Variants in MED25 observed in about 807,000 individuals in gnomAD.
The protein encoded by MED25 is mediator of RNA polymerase II transcription subunit 25.
Under a neutral mutation model 89.4 loss-of-function variants are expected in MED25, and 62 were observed. The observed-to-expected ratio is 0.69, with a 90% CI of 0.57 to 0.86. The LOEUF (loss-of-function observed/expected upper bound fraction) is 0.86. Among genes scored for constraint, MED25 ranks in the 40% least tolerant of loss-of-function variants. MED25 has a pLI of 0.00. For missense variants in MED25, 905 were observed against 1,005.2 expected, an observed-to-expected ratio of 0.90 and a Z score of 1.35; for synonymous variants, 449 against 427.9, an observed-to-expected ratio of 1.05 and a Z score of -0.61.
rs1180978169 is a variant in MED25, at chr19:49,835,078, C to T, written c.1575C>T (p.Leu525=). The change falls in exon 14 of 18, where the codon CTC becomes CTT. Residue 525 remains leucine (L), a synonymous_variant. Coordinates refer to ENST00000312865, the MANE Select transcript of MED25 (RefSeq NM_030973.4). The surrounding 1 kb of genome is among the most constrained non-coding windows in gnomAD (Gnocchi z 6.2). ...YSSKKKIFMG[L]IPYDQSGFVN... ...CCAAGAAGAAGATCTTCATGGGCCT[C>T]ATCCCCTACGACCAGAGCGGCTTCG... is the stretch of plus-strand genomic sequence containing the variant. 1 of 1,613,994 alleles carries T rather than the reference C, an allele frequency of 6.2e-7. No homozygotes were observed.
In MED25 at chr19:49,835,459, G is replaced by A. The variant is rs2074088598; in HGVS notation, c.1675-75G>A. On this transcript the variant is annotated intron_variant, in intron 14 of 17. Transcript: ENST00000312865. The surrounding 1 kb of genome is among the most constrained non-coding windows in gnomAD (Gnocchi z 6.2). ...CCATCTCCTTACTAGTTCCCCTCAGGGCACAGGCCCTCCCGCCTCAGATTC... is the reference window on the plus strand; with the variant it reads ...CCATCTCCTTACTAGTTCCCCTCAGAGCACAGGCCCTCCCGCCTCAGATTC... 1 of 1,417,018 alleles carries A rather than the reference G, an allele frequency of 7.1e-7. No individual in the cohort carries two copies. Among genetic ancestry groups the A allele is most frequent in the South Asian group, 1.4e-5 (1 of 72,750 alleles). The allele number at this position is 1,417,018 out of a possible 1,614,324, so 87.8% of individuals were successfully genotyped here. A position where few individuals can be genotyped will look rare whatever the true frequency, so the allele number is the denominator to read the frequency against.
At chr19:49,837,251 A>C (rs1261515053), downstream of MED25, among the ~76,000 whole-genome samples, 1 of 152,256 alleles carries the variant, frequency 6.6e-6, no homozygotes, top group African/African-American at 2.4e-5. Context: ...CCAGCTCCTC[A>C]GAGTCTTGAA....
Position 49,818,348 on chromosome 19 carries a change from C to T in MED25, c.7C>T (p.Pro3Ser), listed in dbSNP as rs969422780. The change falls in exon 1 of 18, where the codon CCC (proline) becomes TCC (serine). Residue 3 changes from proline (P) to serine (S), a missense_variant. Transcript: ENST00000312865. Reference protein sequence around the residue: MVPGSEGPARAGS... With the variant: MVSGSEGPARAGS... ...GGCGGGTACCGCACGGGGTATGGTC[C>T]CCGGGTCCGAGGGCCCGGCCCGCGC... The T allele has an allele frequency of 1.3e-6, 2 of 1,592,052 alleles. No homozygotes were observed. The highest frequency in any genetic ancestry group is 1.7e-6 in the Non-Finnish European group (2 of 1,169,162).
intron 3 of MED25, chr19:49,819,520 C>T: frequency 1.8e-6 from 1 of 553,164 alleles, no homozygotes; most frequent in Non-Finnish European, 3.3e-6. Context: ...CTGCAGGAAA[C>T]ATCTCATACA....
At position 49,829,891 on chromosome 19, in the gene MED25, A is replaced by G. The variant is rs1314169868; in HGVS notation, c.631A>G (p.Thr211Ala). 2 of 1,613,342 alleles carry G rather than the reference A, an allele frequency of 1.2e-6. No individual in the cohort carries two copies. The highest frequency in any genetic ancestry group is 1.7e-6 in the Non-Finnish European group (2 of 1,179,946). ...CTTGCTGGAGCCGCTGCAGCCTCCG[A>G]CAGATGTGAGCCAGGACCCGAGGCA... is the stretch of plus-strand genomic sequence containing the variant. The part of the protein sequence containing the change: ...PALLEPLQPP[T>A]DVSQDPRHMV... Residue 211 changes from threonine (T) to alanine (A), a missense_variant, in exon 6 of 18, where the codon ACA becomes GCA. This residue lies in a region of MED25 where 501 missense variants were observed against 526.9 expected (regional missense o/e 0.95). Coordinates refer to ENST00000312865, the MANE Select transcript of MED25 (RefSeq NM_030973.4). This position sits in a 1 kb window ranked among gnomAD's most constrained non-coding sequence, Gnocchi z 4.6.
In MED25 at chr19:49,834,432, T is replaced by G. The variant is rs980705849; in HGVS notation, c.1483-554T>G. On this transcript the variant is annotated intron_variant, in intron 13 of 17. Coordinates refer to ENST00000312865, the MANE Select transcript of MED25 (RefSeq NM_030973.4). The surrounding 1 kb of genome is among the most constrained non-coding windows in gnomAD (Gnocchi z 4.1). Reference sequence around the variant, plus strand: ...TACCCCCCTGATGACCAGTGATGTTTCCTGGGTGCTTCCTGTGGGCTGAGC... The same window carrying G: ...TACCCCCCTGATGACCAGTGATGTTGCCTGGGTGCTTCCTGTGGGCTGAGC... 2 of 176,010 alleles carry G rather than the reference T, an allele frequency of 1.1e-5. No homozygotes were observed. The highest frequency in any genetic ancestry group is 1.1e-4 in the Admixed American group (2 of 18,608). 10.9% of individuals were successfully genotyped at this position (176,010 alleles called of 1,614,324 possible).
Position 49,830,913 on chromosome 19 carries a change from CT to C in MED25, c.1101+27del. The C allele has an allele frequency of 6.3e-7, 1 of 1,598,714 alleles. No homozygotes were observed. Among genetic ancestry groups the C allele is most frequent in the Non-Finnish European group, 8.5e-7 (1 of 1,174,822 alleles). On this transcript the variant is annotated intron_variant, in intron 9 of 17. Coordinates refer to ENST00000312865, the MANE Select transcript of MED25 (RefSeq NM_030973.4). The surrounding 1 kb of genome is among the most constrained non-coding windows in gnomAD (Gnocchi z 4.6). ...GTAGGTGCCTGCACGCCTCCTGCCC[CT>C]GCTCCTTCCTCCTGCTGTCCACAGC...
chr19:49,833,777 C>T (rs570599584), intron 13 of MED25: 6 of 152,372 alleles, frequency 3.9e-5, no homozygotes, highest in African/African-American at 1.2e-4. Context: ...CAGCTCCTCA[C>T]ACAGCCCTGG....
intron 3 of MED25, among the ~76,000 whole-genome samples, chr19:49,824,932 G>T (rs575621047): frequency 1.3e-5 from 2 of 152,162 alleles, no homozygotes; most frequent in African/African-American, 4.8e-5. Flanking sequence ...GAACAAATGG[G>T]AGTAAGTTAG....
At position 49,836,888 on chromosome 19, in the gene MED25, C is replaced by A; in HGVS notation, c.2188C>A (p.Gln730Lys). ...CGGGGGTCCCCGGGGCCCGGTCCCC[C>A]AGCCGGGCCTGCAGCCCAGCGTCAT... ...LSGGPRGPVP[Q>K]PGLQPSVMED... Residue 730 changes from glutamine (Q) to lysine (K), a missense_variant, in exon 18 of 18, where the codon CAG becomes AAG. Transcript: ENST00000312865. This position sits in a 1 kb window ranked among gnomAD's most constrained non-coding sequence, Gnocchi z 5.1. 1.2e-6 allele frequency: 2 copies of A among 1,612,736 alleles called. No homozygotes were observed. The highest frequency in any genetic ancestry group is 1.1e-5 in the South Asian group (1 of 90,968).
rs1247123438 is a variant in MED25 at position 49,831,068 on chromosome 19, G to A, written c.1101+181G>A. ...GAGGGTCTGGGGACAGAGTGGGGAG[G>A]CTCATGGCTCCAGGAGGGTCAGGGC... On this transcript the variant is annotated intron_variant, in intron 9 of 17. Coordinates refer to ENST00000312865, the MANE Select transcript of MED25 (RefSeq NM_030973.4). This position sits in a 1 kb window ranked among gnomAD's most constrained non-coding sequence, Gnocchi z 5.0. Among the ~76,000 whole-genome samples the A allele has an allele frequency of 1.3e-5, 2 of 152,192 alleles. No homozygotes were observed. The highest frequency in any genetic ancestry group is 3.8e-4 in the East Asian group (2 of 5,198).
chr19:49,835,781 G>A lies in MED25; in HGVS notation c.1801G>A (p.Ala601Thr), dbSNP rs767338688. Residue 601 changes from alanine to threonine, a missense_variant, in exon 16 of 18, where the codon GCC (alanine) becomes ACC (threonine). This residue lies in a region of MED25 where 271 missense variants were observed against 258.1 expected (regional missense o/e 1.05). Transcript: ENST00000312865. The surrounding 1 kb of genome is among the most constrained non-coding windows in gnomAD (Gnocchi z 6.2). Reference protein sequence around the residue: ...QPQGTVGASGATGQPQPQGTA... With the variant: ...QPQGTVGASGTTGQPQPQGTA... ...TCAGGGTACCGTAGGGGCCTCTGGG[G>A]CCACGGGGCAGCCCCAGCCCCAAGG... The A allele has an allele frequency of 4.5e-5, 73 of 1,608,652 alleles. No homozygotes were observed. Among genetic ancestry groups the A allele is most frequent in the Non-Finnish European group, 2.5e-6 (3 of 1,177,110 alleles).
chr19:49,827,380 A>T (rs991484849), intron 3 of MED25, among the ~76,000 whole-genome samples: 1 of 152,142 alleles, frequency 6.6e-6, no homozygotes, highest in Non-Finnish European at 1.5e-5. Context: ...ATGGAAATTG[A>T]TGTCTCAGGG....
At chr19:49,825,692 G>T (rs1016322665) in intron 3 of MED25, among the ~76,000 whole-genome samples, 2 of 151,922 alleles carry the variant, frequency 1.3e-5, no homozygotes, top group Non-Finnish European at 2.9e-5. Context: ...TTAGCTGGGC[G>T]TGGTGCCGCA....
At chr19:49,820,849 C>T (rs4801808) in intron 3 of MED25, among the ~76,000 whole-genome samples, 5,774 of 152,268 alleles carry the variant, frequency 0.038, 241 homozygotes, top group East Asian at 0.14. Flanking sequence ...CTGGCTCTTC[C>T]AGCACAGAAC....
In MED25 at chr19:49,835,855, T is replaced by A. The variant is rs745606089; in HGVS notation, c.1875T>A (p.Ala625=). ...CCCCTCAAGGCCCTCCTGGAGCAGC[T>A]TCTGGCCCACCCCCTCCTGGACCCA... is the stretch of plus-strand genomic sequence containing the variant. ...PGAPQGPPGA[A]SGPPPPGPIL... is the part of the protein sequence containing the mutation. Residue 625 remains alanine, a synonymous_variant, in exon 16 of 18, where the codon GCT becomes GCA. Coordinates refer to ENST00000312865, the MANE Select transcript of MED25 (RefSeq NM_030973.4). The surrounding 1 kb of genome is among the most constrained non-coding windows in gnomAD (Gnocchi z 6.2). 55 of 1,612,382 alleles carry A rather than the reference T, an allele frequency of 3.4e-5. No homozygotes were observed. The South Asian group carries it at 5.8e-4, about 17-fold the overall frequency.
chr19:49,820,073 T>G (rs1392127823), intron 3 of MED25: 1 of 152,332 alleles, frequency 6.6e-6, no homozygotes, highest in African/African-American at 2.4e-5. Flanking sequence ...TGACCTCATG[T>G]GATCTGCCTG....
chr19:49,834,971 C>G lies in MED25; in HGVS notation c.1483-15C>G. On this transcript the variant is annotated splice_polypyrimidine_tract_variant and intron_variant, in intron 13 of 17. Transcript: ENST00000312865. The surrounding 1 kb of genome is among the most constrained non-coding windows in gnomAD (Gnocchi z 4.1). ...TCAGGGCCTGAATGGTTCTGAAGAG[C>G]TGTTGTCCACCCAGGCGGGCTGCGT... is the stretch of plus-strand genomic sequence containing the variant. 1 of 1,613,646 alleles carries G rather than the reference C, an allele frequency of 6.2e-7. No individual in the cohort carries two copies. The highest frequency in any genetic ancestry group is 2.2e-5 in the East Asian group (1 of 44,868).
Position 49,830,606 on chromosome 19 carries a change from C to A in MED25, c.907+8C>A. On this transcript the variant is annotated splice_region_variant and intron_variant, in intron 8 of 17. Coordinates refer to ENST00000312865, the MANE Select transcript of MED25 (RefSeq NM_030973.4). This position sits in a 1 kb window ranked among gnomAD's most constrained non-coding sequence, Gnocchi z 4.6. ...CTGGGCTGGGCCCTCGCTGTGAGTC[C>A]TGGAGTGAGGATGAAGGGCGGGCAG... 6.2e-7 allele frequency: 1 copy of A among 1,614,066 alleles called. No homozygotes were observed. The highest frequency in any genetic ancestry group is 8.5e-7 in the Non-Finnish European group (1 of 1,179,908).
Sources: gnomAD v4.1 joint callset for allele counts (sites outside exome capture counted in the v4.1 genomes callset) on GRCh38, gnomAD v4.1.1 for gene constraint, gnomAD v4.1.1 regional missense constraint, Gnocchi (gnomAD v3.1) non-coding constraint, MANE v1.5 for transcripts, NCBI Gene and HGNC (gene_info 2026-07-23, HGNC 2026-07-21) for gene names.